The following UBE2E1 variants were observed in gnomAD, a reference collection of about 807,000 sequenced individuals.
UBE2E1 encodes the protein ubiquitin conjugating enzyme E2 E1.
A neutral mutation model predicts 21.4 loss-of-function variants in UBE2E1; 6 were observed. The ratio of observed to expected loss-of-function variants is 0.28; its 90% CI spans 0.15 to 0.55. UBE2E1 has a LOEUF of 0.55. Ranked by LOEUF, UBE2E1 falls within the 20% of genes least tolerant of loss-of-function variation. UBE2E1 has a pLI of 0.93. For synonymous variants in UBE2E1, 87 were observed against 82.7 expected, an observed-to-expected ratio of 1.05 and a Z score of -0.28; for missense variants, 142 against 236.5, an observed-to-expected ratio of 0.60 and a Z score of 2.62.
intron 3 of UBE2E1, among the ~76,000 whole-genome samples, chr3:23,848,765 G>A (rs1339446796): frequency 6.6e-6 from 1 of 152,178 alleles, no homozygotes; most frequent in African/African-American, 2.4e-5. Flanking sequence ...AAAAGGGAGG[G>A]CATCTAAGAA....
intron 3 of UBE2E1, among the ~76,000 whole-genome samples, chr3:23,814,918 T>C (rs1180050080): frequency 6.6e-6 from 1 of 152,258 alleles, no homozygotes; most frequent in African/African-American, 2.4e-5. Context: ...GGGGTGCTAT[T>C]TTAGGATAAA....
chr3:23,829,314 C>T (rs1389516702), intron 3 of UBE2E1, among the ~76,000 whole-genome samples: 2 of 122,528 alleles, frequency 1.6e-5, no homozygotes, highest in African/African-American at 3.3e-5. Context: ...GTGCACTCCA[C>T]AAAGTCCAGC....
intron 3 of UBE2E1, among the ~76,000 whole-genome samples, chr3:23,858,088 T>G (rs1575020671): frequency 6.6e-6 from 1 of 152,150 alleles, no homozygotes; most frequent in Non-Finnish European, 1.5e-5. Context: ...AGTTGAGAGG[T>G]ACTGAGCTAG....
At chr3:23,817,200 T>C (rs561866299) in intron 3 of UBE2E1, among the ~76,000 whole-genome samples, 2 of 152,120 alleles carry the variant, frequency 1.3e-5, no homozygotes, top group Non-Finnish European at 2.9e-5. Context: ...CCCAGCACTT[T>C]GGGAGGCCAA....
intron 3 of UBE2E1, among the ~76,000 whole-genome samples, chr3:23,818,927 A>G (rs1191144577): frequency 6.6e-6 from 1 of 152,162 alleles, no homozygotes; most frequent in Non-Finnish European, 1.5e-5. Context: ...CTAAAGTGTA[A>G]GAACTTAGGT....
At chr3:23,858,351 G>A (rs1021615736) in intron 3 of UBE2E1, among the ~76,000 whole-genome samples, 3 of 152,064 alleles carry the variant, frequency 2.0e-5, no homozygotes, top group Non-Finnish European at 2.9e-5. Flanking sequence ...ATGGAGTCTC[G>A]CTCTGTCATC....
At chr3:23,834,022 A>G (rs1699924710) in intron 3 of UBE2E1, among the ~76,000 whole-genome samples, 1 of 152,226 alleles carries the variant, frequency 6.6e-6, no homozygotes, top group Non-Finnish European at 1.5e-5. Flanking sequence ...TTTGTATCAG[A>G]AAATTTCAAC....
At chr3:23,847,022 A>T (rs1700222221) in intron 3 of UBE2E1, among the ~76,000 whole-genome samples, 1 of 152,212 alleles carries the variant, frequency 6.6e-6, no homozygotes, top group African/African-American at 2.4e-5. Flanking sequence ...CTTGAAACTC[A>T]CCAAAGAGGA....
chr3:23,890,163 G>C (rs920763258), intron 5 of UBE2E1, among the ~76,000 whole-genome samples: 5 of 152,126 alleles, frequency 3.3e-5, no homozygotes, highest in Non-Finnish European at 7.3e-5. Context: ...AACACAGCTG[G>C]ATGTTCATTG....
In UBE2E1 at chr3:23,828,352, T is replaced by G. The variant is rs1270202478; in HGVS notation, c.203+16842T>G. ...CTTCCATTGTGTAAAAAGATCAATT[T>G]CTATATTGTATGTAAATGTAATATA... On this transcript the variant is annotated intron_variant, in intron 3 of 5. Transcript: ENST00000306627. 9.8e-5 allele frequency among the ~76,000 whole-genome samples: 15 copies of G among 152,326 alleles called. No homozygotes were observed. The East Asian group carries it at 2.9e-3, about 29-fold the overall frequency.
At chr3:23,878,645 G>A (rs758262550) in intron 3 of UBE2E1, among the ~76,000 whole-genome samples, 2 of 152,158 alleles carry the variant, frequency 1.3e-5, no homozygotes, top group Admixed American at 1.3e-4. Context: ...GTTCTCATAG[G>A]CACACGCAAA....
intron 3 of UBE2E1, among the ~76,000 whole-genome samples, chr3:23,867,961 G>C (rs926611952): frequency 1.3e-5 from 2 of 152,108 alleles, no homozygotes; most frequent in African/African-American, 2.4e-5. Context: ...ATTTTCATTG[G>C]GCTATAGATG....
In UBE2E1 at chr3:23,823,847, G is replaced by A. The variant is rs953296016; in HGVS notation, c.203+12337G>A. On this transcript the variant is annotated intron_variant, in intron 3 of 5. Coordinates refer to ENST00000306627, the MANE Select transcript of UBE2E1 (RefSeq NM_003341.5). The surrounding 1 kb of genome is among the most constrained non-coding windows in gnomAD (Gnocchi z 4.2). ...ACTTGCTAGTATATCACACTGCTTT[G>A]GCCTTTTTCTGAGTAACCCTCTCTC... is the stretch of plus-strand genomic sequence containing the variant. Among the ~76,000 whole-genome samples the A allele has an allele frequency of 5.3e-5, 8 of 152,134 alleles. No homozygotes were observed. Among genetic ancestry groups the A allele is most frequent in the Admixed American group, 5.2e-4 (8 of 15,262 alleles).
rs1553637734 is a variant in UBE2E1, at chr3:23,842,246, T to TG, written c.203+30737dup. Among the ~76,000 whole-genome samples, 2,357 of 36,604 alleles carry TG rather than the reference T, an allele frequency of 0.064. 26 individuals are homozygous for TG. The highest frequency in any genetic ancestry group is 0.13 in the South Asian group (126 of 1,000). The allele number at this position is 36,604 out of a possible 152,430, so 24.0% of individuals were successfully genotyped here. On this transcript the variant is annotated intron_variant, in intron 3 of 5. Coordinates refer to ENST00000306627, the MANE Select transcript of UBE2E1 (RefSeq NM_003341.5). The surrounding 1 kb of genome is among the most constrained non-coding windows in gnomAD (Gnocchi z 4.6). Reference sequence around the variant, plus strand: ...GTGTGTGTGTGTGTGTGTGTGTGTGTGTGGTGTTGTTGTTGTTGGCGACAG... The same window carrying TG: ...GTGTGTGTGTGTGTGTGTGTGTGTGTGGTGGTGTTGTTGTTGTTGGCGACAG...
chr3:23,826,489 G>A (rs531751093), intron 3 of UBE2E1, among the ~76,000 whole-genome samples: 1 of 152,324 alleles, frequency 6.6e-6, no homozygotes, highest in Admixed American at 6.5e-5. Flanking sequence ...AGCAACAACA[G>A]CAAATGACAC....
chr3:23,871,589 G>C (rs918966621), intron 3 of UBE2E1, among the ~76,000 whole-genome samples: 4 of 151,580 alleles, frequency 2.6e-5, no homozygotes, highest in African/African-American at 9.7e-5. Flanking sequence ...GGTGGCTGCC[G>C]GGCAGAGAGG....
At chr3:23,867,308 G>A (rs1339414401) in intron 3 of UBE2E1, among the ~76,000 whole-genome samples, 1 of 152,140 alleles carries the variant, frequency 6.6e-6, no homozygotes, top group Non-Finnish European at 1.5e-5. Context: ...TTTGATTTAT[G>A]TTGGTTCTTG....
At chr3:23,813,527 ATTATTTAT>A (rs60343039) in intron 3 of UBE2E1, among the ~76,000 whole-genome samples, 5 of 151,708 alleles carry the variant, frequency 3.3e-5, no homozygotes, top group Non-Finnish European at 7.4e-5. Flanking sequence ...ATAAAGATGG[ATTATTTAT>A]TTATTTATTT....
intron 3 of UBE2E1, among the ~76,000 whole-genome samples, chr3:23,866,040 C>G (rs1244052974): frequency 6.6e-6 from 1 of 152,172 alleles, no homozygotes; most frequent in African/African-American, 2.4e-5. Flanking sequence ...AGAAAGCAAC[C>G]AGACCCTCCC....
Sources: allele counts gnomAD v4.1 joint callset (sites outside exome capture counted in the v4.1 genomes callset), GRCh38; gene constraint gnomAD v4.1.1; non-coding constraint Gnocchi (gnomAD v3.1); transcripts MANE v1.5; gene names NCBI Gene and HGNC (gene_info 2026-07-23, HGNC 2026-07-21).